Variants in PRKDC observed in about 807,000 individuals in gnomAD.
The protein encoded by PRKDC is protein kinase, DNA-activated, catalytic subunit, also known as DNA-dependent protein kinase catalytic subunit.
PRKDC carries 82 observed loss-of-function variants against 486.9 expected under a neutral mutation model. The observed-to-expected ratio is 0.17, with a 90% CI of 0.14 to 0.20. PRKDC has a LOEUF of 0.20. Ranked by LOEUF, PRKDC falls within the 10% of genes least tolerant of loss-of-function variation. PRKDC has a pLI of 1.00. For synonymous variants in PRKDC, 1,895 were observed against 1,837.0 expected, an observed-to-expected ratio of 1.03 and a Z score of -0.81; for missense variants, 4,504 against 5,038.2, an observed-to-expected ratio of 0.89 and a Z score of 3.21.
At chr8:47,920,042 A>G (rs922935202) in intron 21 of PRKDC, among the ~76,000 whole-genome samples, 4 of 152,190 alleles carry the variant, frequency 2.6e-5, no homozygotes, top group African/African-American at 4.8e-5. Flanking sequence ...CCTGCTACAG[A>G]TAACTAGCCA....
chr8:47,941,435 C>A (rs2090443779), intron 10 of PRKDC, among the ~76,000 whole-genome samples: 1 of 152,112 alleles, frequency 6.6e-6, no homozygotes, highest in Non-Finnish European at 1.5e-5. Context: ...CACACAGCAT[C>A]CCTGGAAGCC....
chr8:47,812,139 G>A (rs2087342715), intron 68 of PRKDC, among the ~76,000 whole-genome samples: 4 of 152,144 alleles, frequency 2.6e-5, no homozygotes, highest in South Asian at 4.1e-4. Flanking sequence ...AATACAGTAC[G>A]TAAAAATACA....
Position 47,800,805 on chromosome 8 carries a change from C to T in PRKDC, c.10104G>A (p.Glu3368=). ...RILELSGSSS[E]DSEKVIAGLY... ...CCTCCAGTATTACCTTCTCTGAATCCTCTGAACTGGATCCAGAAAGCTCTA... is the reference window on the plus strand; with the variant it reads ...CCTCCAGTATTACCTTCTCTGAATCTTCTGAACTGGATCCAGAAAGCTCTA... The change falls in exon 71 of 86, where the codon GAG becomes GAA. Residue 3368 remains glutamate (E), a synonymous_variant. Transcript: ENST00000314191. 1.9e-6 allele frequency: 3 copies of T among 1,609,224 alleles called. No homozygotes were observed. Among genetic ancestry groups the T allele is most frequent in the Non-Finnish European group, 2.5e-6 (3 of 1,177,676 alleles).
chr8:47,960,133 G>A lies in PRKDC; in HGVS notation c.-7C>T, dbSNP rs537731815. The A allele has an allele frequency of 2.3e-4, 342 of 1,481,344 alleles. 2 individuals carry two copies. The South Asian group carries it at 4.2e-3, about 18-fold the overall frequency. The allele number at this position is 1,481,344 out of a possible 1,614,324, so 91.8% of individuals were successfully genotyped here. On this transcript the variant is annotated 5_prime_UTR_variant, in exon 1 of 86. Coordinates refer to ENST00000314191, the MANE Select transcript of PRKDC (RefSeq NM_006904.7). ...CGGCTCCGGAGCCCGCCATGCCGCCGAGTCCCGCTCCCGCGCGTGCGCCCG... is the reference window on the plus strand; with the variant it reads ...CGGCTCCGGAGCCCGCCATGCCGCCAAGTCCCGCTCCCGCGCGTGCGCCCG...
chr8:47,947,060 G>A (rs1228694502), intron 7 of PRKDC, among the ~76,000 whole-genome samples: 1 of 152,002 alleles, frequency 6.6e-6, no homozygotes, highest in African/African-American at 2.4e-5. Context: ...TCTCACCCTG[G>A]CCCACTTTGT....
intron 40 of PRKDC, among the ~76,000 whole-genome samples, chr8:47,876,430 G>C (rs183974709): frequency 1.3e-5 from 2 of 152,240 alleles, no homozygotes; most frequent in East Asian, 3.9e-4. Context: ...GGGAGGCCGA[G>C]GCAAGCAGAT....
intron 35 of PRKDC, among the ~76,000 whole-genome samples, chr8:47,887,203 G>A (rs1412044811): frequency 6.6e-6 from 1 of 152,124 alleles, no homozygotes; most frequent in Non-Finnish European, 1.5e-5. Flanking sequence ...ATCCTTCAGA[G>A]GCCCTCCCAA....
At chr8:47,886,372 A>C (rs528557127) in intron 35 of PRKDC, among the ~76,000 whole-genome samples, 21 of 152,270 alleles carry the variant, frequency 1.4e-4, no homozygotes, top group Non-Finnish European at 2.5e-4. Flanking sequence ...ATTTCTTCCA[A>C]ATGTCCAAAA....
intron 36 of PRKDC, among the ~76,000 whole-genome samples, chr8:47,882,779 G>A (rs768752942): frequency 2.6e-5 from 4 of 152,250 alleles, no homozygotes; most frequent in Non-Finnish European, 4.4e-5. Context: ...TTTCACAGAT[G>A]TTCCAAGTAG....
chr8:47,885,760 C>G (rs545276484), intron 36 of PRKDC, among the ~76,000 whole-genome samples, 184 bp downstream of exon 36: 4 of 152,004 alleles, frequency 2.6e-5, no homozygotes, highest in Admixed American at 2.6e-4. Flanking sequence ...GGTGTGGTGG[C>G]GGGTGCCTGT....
Position 47,913,938 on chromosome 8 carries a change from G to C in PRKDC, c.2744C>G (p.Thr915Arg), listed in dbSNP as rs1478677364. ...GTCACTGGCTGTGAGCGCTAATTCTGTGACTCGAGGCAGGAACACATCCAG... is the reference window on the plus strand; with the variant it reads ...GTCACTGGCTGTGAGCGCTAATTCTCTGACTCGAGGCAGGAACACATCCAG... ...IFLDVFLPRVTELALTASDRQ... is the reference protein window; with the variant it reads ...IFLDVFLPRVRELALTASDRQ... Residue 915 changes from threonine to arginine, a missense_variant, in exon 24 of 86, where the codon ACA (threonine) becomes AGA (arginine). Physicochemically the swap from Thr to Arg is moderately conservative, Grantham distance 71. Transcript: ENST00000314191. The C allele has an allele frequency of 1.2e-6, 2 of 1,611,370 alleles. No individual in the cohort carries two copies. Among genetic ancestry groups the C allele is most frequent in the Non-Finnish European group, 1.7e-6 (2 of 1,178,696 alleles).
chr8:47,876,951 C>T (rs2089104081), intron 40 of PRKDC, among the ~76,000 whole-genome samples: 1 of 152,194 alleles, frequency 6.6e-6, no homozygotes, highest in African/African-American at 2.4e-5. Context: ...AGCAGGATCA[C>T]CAGACATTAT....
rs1185283552 is a variant in PRKDC at position 47,898,490 on chromosome 8, T to C, written c.3444A>G (p.Ala1148=). Residue 1148 remains alanine, a synonymous_variant, in exon 29 of 86, where the codon GCA becomes GCG. Transcript: ENST00000314191. ...IEKKHVSLNK[A]KKRRLPRGFP... ...CCTACCGCGGCAAACGTCGTTTCTT[T>C]GCTTTATTTAAAGAAACATGCTTCT... The C allele has an allele frequency of 6.4e-7, 1 of 1,559,388 alleles. No homozygotes were observed. The highest frequency in any genetic ancestry group is 8.7e-7 in the Non-Finnish European group (1 of 1,147,208).
At position 47,960,016 on chromosome 8, in the gene PRKDC, G is replaced by A. The variant is rs1326008128; in HGVS notation, c.111C>T (p.Gly37=). 7.8e-6 allele frequency: 12 copies of A among 1,534,502 alleles called. No homozygotes were observed. The highest frequency in any genetic ancestry group is 1.2e-5 in the South Asian group (1 of 84,034). The change falls in exon 1 of 86, where the codon GGC becomes GGT. Residue 37 remains glycine (G), a synonymous_variant. Coordinates refer to ENST00000314191, the MANE Select transcript of PRKDC (RefSeq NM_006904.7). ...AALAGHQLIR[G]LGQECVLSSS... is the part of the protein sequence containing the mutation. ...TGCTCAGGACGCATTCCTGCCCCAGGCCGCGGATCAGTTGATGACCGGCCA... is the reference window on the plus strand; with the variant it reads ...TGCTCAGGACGCATTCCTGCCCCAGACCGCGGATCAGTTGATGACCGGCCA...
chr8:47,889,465 T>C (rs983250867), intron 32 of PRKDC, among the ~76,000 whole-genome samples: 1 of 152,186 alleles, frequency 6.6e-6, no homozygotes, highest in African/African-American at 2.4e-5. Context: ...ACAGCCATGC[T>C]CCTATTTAGC....
intron 30 of PRKDC, 69 bp downstream of exon 30, chr8:47,897,092 C>T (rs1157063966): frequency 2.1e-6 from 3 of 1,441,964 alleles, no homozygotes; most frequent in Non-Finnish European, 2.8e-6. Context: ...TTACTCAATT[C>T]TTCTTTACTT....
chr8:47,817,197 C>G (rs541408104), intron 68 of PRKDC, among the ~76,000 whole-genome samples: 5 of 152,308 alleles, frequency 3.3e-5, no homozygotes, highest in African/African-American at 1.2e-4. Flanking sequence ...CCCTGTCTCC[C>G]TTCCTGGAGG....
Position 47,912,580 on chromosome 8 carries a change from G to T in PRKDC, c.2782-18C>A. ...GCTGCAACCTAAAACAGACCAGGAG[G>T]TCAGCAATGTTTAAGTTATCACGTT... On this transcript the variant is annotated intron_variant, in intron 24 of 85. Transcript: ENST00000314191. The T allele has an allele frequency of 1.3e-6, 2 of 1,564,940 alleles. No individual in the cohort carries two copies. Among genetic ancestry groups the T allele is most frequent in the Non-Finnish European group, 1.7e-6 (2 of 1,152,482 alleles).
chr8:47,839,924 C>A (rs767017876), intron 55 of PRKDC, 92 bp downstream of exon 55: 12 of 1,006,774 alleles, frequency 1.2e-5, no homozygotes, highest in Non-Finnish European at 1.7e-5. Flanking sequence ...CTGCAGTGAC[C>A]TGTGTTTGTG....
Sources: allele counts gnomAD v4.1 joint callset (sites outside exome capture counted in the v4.1 genomes callset), GRCh38; gene constraint gnomAD v4.1.1; transcripts MANE v1.5; gene names NCBI Gene and HGNC (gene_info 2026-07-23, HGNC 2026-07-21).